The following CAST variants were observed in gnomAD, a reference collection of about 807,000 sequenced individuals.
CAST encodes the protein MIR583 host.
In CAST, 76 loss-of-function variants were observed where a neutral mutation model predicts 119.6. That is an observed-to-expected ratio of 0.64 (90% CI 0.53 to 0.77). CAST has a LOEUF of 0.77. Ranked by LOEUF, CAST falls within the 30% of genes least tolerant of loss-of-function variation. CAST has a pLI of 0.00. For missense variants in CAST, 953 were observed against 946.5 expected (o/e 1.01, Z -0.09); for synonymous variants, 319 against 331.6 (o/e 0.96, Z 0.41).
At chr5:96,496,646 A>C in the CAST span, among the ~76,000 whole-genome samples, 1 of 152,228 alleles carries the variant, frequency 6.6e-6, no homozygotes, top group Non-Finnish European at 1.5e-5. Flanking sequence ...GCAAGCTTTT[A>C]AAGAAAGTGT....
chr5:96,632,228 A>T (rs1747830631), intron 1 of CAST, among the ~76,000 whole-genome samples: 2 of 151,716 alleles, frequency 1.3e-5, no homozygotes, highest in Non-Finnish European at 2.9e-5. Flanking sequence ...TTGTTGATGT[A>T]TTCTGGATAC....
the CAST span, among the ~76,000 whole-genome samples, chr5:96,281,780 G>A: frequency 6.6e-6 from 1 of 152,200 alleles, no homozygotes; most frequent in Non-Finnish European, 1.5e-5. Flanking sequence ...GTGGCCATAT[G>A]TAGCTACATT....
the CAST span, among the ~76,000 whole-genome samples, chr5:96,364,317 G>T: frequency 6.6e-6 from 1 of 152,180 alleles, no homozygotes; most frequent in Non-Finnish European, 1.5e-5. Flanking sequence ...TCTCTGCCAG[G>T]CTTTGGTATC....
At chr5:96,262,151 C>G in the CAST span, among the ~76,000 whole-genome samples, 1 of 152,140 alleles carries the variant, frequency 6.6e-6, no homozygotes, top group African/African-American at 2.4e-5. Flanking sequence ...ACAATAACAA[C>G]AACTATTAAA....
At chr5:96,635,613 A>G (rs777929564) in intron 1 of CAST, among the ~76,000 whole-genome samples, 1 of 152,200 alleles carries the variant, frequency 6.6e-6, no homozygotes, top group African/African-American at 2.4e-5. Flanking sequence ...AAATCTTGCT[A>G]CTAGTGTACT....
At chr5:96,600,397 G>C (rs536457169) in intron 1 of CAST, among the ~76,000 whole-genome samples, 9 of 152,266 alleles carry the variant, frequency 5.9e-5, no homozygotes, top group African/African-American at 2.2e-4. Flanking sequence ...CCCAGTAAGG[G>C]CACATTATAT....
chr5:96,704,240 T>G (rs1277480456), intron 3 of CAST, among the ~76,000 whole-genome samples: 1 of 152,226 alleles, frequency 6.6e-6, no homozygotes, highest in Admixed American at 6.5e-5. Context: ...TTGGCTGTGG[T>G]TCAGTTCAGA....
At chr5:96,341,003 G>C in the CAST span, among the ~76,000 whole-genome samples, 1 of 152,180 alleles carries the variant, frequency 6.6e-6, no homozygotes, top group African/African-American at 2.4e-5. Context: ...AGATGCATAT[G>C]AAGTTAGAAA....
At chr5:96,381,021 A>T in the CAST span, among the ~76,000 whole-genome samples, 1 of 152,148 alleles carries the variant, frequency 6.6e-6, no homozygotes, top group African/African-American at 2.4e-5. Flanking sequence ...AATATCCACA[A>T]CTATGTTCCT....
chr5:96,669,100 C>T (rs191159589), intron 1 of CAST, among the ~76,000 whole-genome samples: 9 of 152,352 alleles, frequency 5.9e-5, no homozygotes, highest in African/African-American at 2.2e-4. Context: ...CAAAGTTCCA[C>T]TACAATTTGA....
chr5:96,597,347 A>G (rs73152030), intron 1 of CAST, among the ~76,000 whole-genome samples: 13,214 of 152,278 alleles, frequency 0.087, 700 homozygotes, highest in African/African-American at 0.15. Flanking sequence ...CCTACGTGAA[A>G]TACTAATTAT....
chr5:96,397,530 GC>G, the CAST span: 1 of 1,433,794 alleles, frequency 7.0e-7, no homozygotes, highest in African/African-American at 1.4e-5. Context: ...ATACACTCTA[GC>G]ATCTGATAAC....
the CAST span, among the ~76,000 whole-genome samples, chr5:96,068,784 C>T: frequency 1.3e-5 from 2 of 150,584 alleles, no homozygotes; most frequent in Non-Finnish European, 3.0e-5. Context: ...TAAATATATA[C>T]ACATGTGTGT....
the CAST span, among the ~76,000 whole-genome samples, chr5:96,441,104 A>G: frequency 6.6e-6 from 1 of 152,246 alleles, no homozygotes; most frequent in Non-Finnish European, 1.5e-5. Context: ...TACATAACAT[A>G]CTTACAACAT....
chr5:96,428,312 A>T, the CAST span, among the ~76,000 whole-genome samples: 46 of 152,238 alleles, frequency 3.0e-4, no homozygotes, highest in South Asian at 2.5e-3. Flanking sequence ...CACCAAGAGG[A>T]TCTCTCATTC....
intron 2 of CAST, among the ~76,000 whole-genome samples, chr5:96,687,276 G>A (rs1752194298): frequency 6.6e-6 from 1 of 152,174 alleles, no homozygotes; most frequent in Non-Finnish European, 1.5e-5. Context: ...TGAGTGGGTA[G>A]TGCAGAGATG....
the CAST span, among the ~76,000 whole-genome samples, chr5:96,514,325 G>T: frequency 1.3e-5 from 2 of 152,142 alleles, no homozygotes; most frequent in Non-Finnish European, 2.9e-5. Context: ...TGGACCAGAG[G>T]TTAAGGAGCC....
the CAST span, among the ~76,000 whole-genome samples, chr5:96,159,455 G>T: frequency 6.6e-6 from 1 of 152,158 alleles, no homozygotes; most frequent in Non-Finnish European, 1.5e-5. Flanking sequence ...GTTGTATAAA[G>T]CAAAATGATG....
the CAST span, among the ~76,000 whole-genome samples, chr5:96,297,585 C>G: frequency 6.6e-6 from 1 of 152,124 alleles, no homozygotes; most frequent in Non-Finnish European, 1.5e-5. Context: ...TTTATGCTCT[C>G]CTCATGTCTT....
Sources: gnomAD v4.1 joint callset for allele counts (sites outside exome capture counted in the v4.1 genomes callset) on GRCh38, gnomAD v4.1.1 for gene constraint, MANE v1.5 for transcripts, NCBI Gene and HGNC (gene_info 2026-07-23, HGNC 2026-07-21) for gene names.